NEDD4L: variants seen among roughly 807,000 people sequenced by gnomAD.
The protein encoded by NEDD4L is E3 ubiquitin-protein ligase NEDD4-like.
In NEDD4L, 54 loss-of-function variants were observed where a neutral mutation model predicts 148.9. The ratio of observed to expected loss-of-function variants is 0.36; its 90% confidence interval spans 0.29 to 0.45. NEDD4L has a LOEUF of 0.45. Ranked by LOEUF, NEDD4L falls within the 20% of genes least tolerant of loss-of-function variation. The pLI, the probability that NEDD4L is intolerant of heterozygous loss-of-function variation, is 1.00. For synonymous variants in NEDD4L, 433 were observed against 440.7 expected (o/e 0.98, Z 0.22); for missense variants, 856 against 1,233.8 (o/e 0.69, Z 4.59).
intron 9 of NEDD4L, 44 bp downstream of exon 9, chr18:58,325,206 A>G (rs1395463756): frequency 1.3e-6 from 2 of 1,598,902 alleles, no homozygotes; most frequent in African/African-American, 1.3e-5. Flanking sequence ...CGTGCACTGC[A>G]CAGCTAGGGA....
intron 1 of NEDD4L, among the ~76,000 whole-genome samples, chr18:58,127,133 C>T (rs538989760): frequency 5.4e-4 from 82 of 152,324 alleles, no homozygotes; most frequent in African/African-American, 1.8e-3. Context: ...TCCCTCCTGG[C>T]GGACCAGAGC....
intron 1 of NEDD4L, among the ~76,000 whole-genome samples, chr18:58,121,946 CTATGTTTTTAT>C (rs2029985647): frequency 6.6e-6 from 1 of 152,112 alleles, no homozygotes; most frequent in Non-Finnish European, 1.5e-5. Context: ...TGTGTTTTTT[CTATGTTTTTAT>C]AGTATTGTTT....
intron 2 of NEDD4L, among the ~76,000 whole-genome samples, chr18:58,176,651 T>C (rs1052831214): frequency 1.3e-5 from 2 of 152,222 alleles, no homozygotes; most frequent in Admixed American, 1.3e-4. Flanking sequence ...GTCACTTTTC[T>C]GTACCATTCC....
At chr18:58,210,479 G>A (rs758019447) in intron 2 of NEDD4L, among the ~76,000 whole-genome samples, 5 of 151,664 alleles carry the variant, frequency 3.3e-5, no homozygotes, top group Admixed American at 1.3e-4. Context: ...ATGGAGTTTC[G>A]CTCTTGTTGC....
At chr18:58,113,394 G>C (rs959988167) in intron 1 of NEDD4L, among the ~76,000 whole-genome samples, 1 of 152,192 alleles carries the variant, frequency 6.6e-6, no homozygotes, top group Non-Finnish European at 1.5e-5. Context: ...AGAAGGAAAG[G>C]GATTTCCAAG....
intron 7 of NEDD4L, among the ~76,000 whole-genome samples, 197 bp from the exon 8 acceptor site, chr18:58,323,035 G>T (rs1601231769): frequency 9.4e-6 from 1 of 106,472 alleles, no homozygotes; most frequent in Non-Finnish European, 1.8e-5. Context: ...TGTGCTGTGG[G>T]TATGGGTGGG....
Position 58,151,623 on chromosome 18 carries a change from A to ATG in NEDD4L, c.49-14164_49-14163insGT, listed in dbSNP as rs1491376739. 4.2e-4 allele frequency among the ~76,000 whole-genome samples: 24 copies of ATG among 56,660 alleles called. No homozygotes were observed. The East Asian group carries it at 5.5e-3, about 13-fold the overall frequency. The allele number at this position is 56,660 out of a possible 152,430, so 37.2% of individuals were successfully genotyped here. ...GTGAAGATGAGGTAGCTGTGCCTGGATATGTGTGTGTGTGTGTGTGTGTGT... is the reference window on the plus strand; with the variant it reads ...GTGAAGATGAGGTAGCTGTGCCTGGATGTATGTGTGTGTGTGTGTGTGTGTGT... On this transcript the variant is annotated intron_variant, in intron 1 of 30. Transcript: ENST00000400345.
At chr18:58,316,086 G>T (rs2058229627) in intron 6 of NEDD4L, 54 bp downstream of exon 6, 1 of 1,421,060 alleles carries the variant, frequency 7.0e-7, no homozygotes, top group African/African-American at 1.4e-5. Flanking sequence ...GTTTCTAATT[G>T]TTTGTAGTCA....
At chr18:58,313,252 T>G (rs957999342) in intron 5 of NEDD4L, among the ~76,000 whole-genome samples, 62 of 149,790 alleles carry the variant, frequency 4.1e-4, no homozygotes, top group African/African-American at 1.5e-3. Flanking sequence ...TTGTCTCATC[T>G]TTTACTGTTT....
At chr18:58,091,758 C>A (rs1414747385) in intron 1 of NEDD4L, 1 of 152,222 alleles carries the variant, frequency 6.6e-6, no homozygotes, top group Non-Finnish European at 1.5e-5. Context: ...AGTCCTCAAC[C>A]TGCTTTCTTA....
Position 58,367,709 on chromosome 18 carries a change from A to G in NEDD4L, c.2064-37A>G, listed in dbSNP as rs188159729. 3.0e-5 allele frequency: 48 copies of G among 1,611,046 alleles called. No individual in the cohort carries two copies. The East Asian group carries it at 1.0e-3, about 34-fold the overall frequency. Reference sequence around the variant, plus strand: ...AAATATGCAAAATCTTGCATTTGAAAGTGTGATTGGGCTTTTCTTCTCTTT... The same window carrying G: ...AAATATGCAAAATCTTGCATTTGAAGGTGTGATTGGGCTTTTCTTCTCTTT... On this transcript the variant is annotated intron_variant, in intron 21 of 30. Coordinates refer to ENST00000400345, the MANE Select transcript of NEDD4L (RefSeq NM_001144967.3).
intron 26 of NEDD4L, 151 bp downstream of exon 26, chr18:58,385,737 C>A (rs1568931562): frequency 5.9e-6 from 1 of 168,168 alleles, no homozygotes; most frequent in Non-Finnish European, 1.2e-5. Flanking sequence ...GCACAGCTCA[C>A]ACCGCTGGCC....
chr18:58,388,594 G>A (rs1241843571), intron 27 of NEDD4L: 1 of 153,180 alleles, frequency 6.5e-6, no homozygotes, highest in African/African-American at 2.4e-5. Flanking sequence ...CTTAGCGTAT[G>A]TCTGCCATTC....
In NEDD4L at chr18:58,339,594, C is replaced by T. The variant is rs182582958; in HGVS notation, c.1126-1444C>T. 1.9e-3 allele frequency among the ~76,000 whole-genome samples: 293 copies of T among 152,184 alleles called. 5 individuals are homozygous for T. The highest frequency in any genetic ancestry group is 6.6e-3 in the African/African-American group (275 of 41,512). ...TTTAGGGAGCTTTAGGACTTTATCT[C>T]GGGAAATATTAAGGAAATGGTTTTC... is the stretch of plus-strand genomic sequence containing the variant. On this transcript the variant is annotated intron_variant, in intron 13 of 30. Transcript: ENST00000400345.
chr18:58,389,227 C>A, intron 28 of NEDD4L, 35 bp downstream of exon 28: 2 of 1,495,484 alleles, frequency 1.3e-6, no homozygotes, highest in Non-Finnish European at 1.9e-6. Context: ...CGGTGTCCTC[C>A]ACCTGAGGCA....
At chr18:58,388,875 G>A (rs897416952) in intron 27 of NEDD4L, 129 of 580,838 alleles carry the variant, frequency 2.2e-4, no homozygotes, top group Middle Eastern at 1.4e-3. Flanking sequence ...CGCAAGGTTC[G>A]AATTGAGCTG....
At chr18:58,342,798 T>G in intron 15 of NEDD4L, 108 bp from the exon 16 acceptor site, 1 of 798,002 alleles carries the variant, frequency 1.3e-6, no homozygotes, top group East Asian at 3.2e-5. Flanking sequence ...TTGGGGATCT[T>G]CCCTCTTGTC....
At chr18:58,044,827 C>T (rs1009189176) in intron 1 of NEDD4L, 119 bp downstream of exon 1, 106 of 1,296,942 alleles carry the variant, frequency 8.2e-5, no homozygotes, top group Admixed American at 7.0e-4. Context: ...AGGGGAGCCC[C>T]AAAGCGGGAG....
chr18:58,121,312 G>T (rs1035358906), intron 1 of NEDD4L, among the ~76,000 whole-genome samples: 3 of 152,138 alleles, frequency 2.0e-5, no homozygotes, highest in Non-Finnish European at 2.9e-5. Flanking sequence ...TTTTCCTCAG[G>T]AACTACCTAC....
Sources: allele counts gnomAD v4.1 joint callset (sites outside exome capture counted in the v4.1 genomes callset), GRCh38; gene constraint gnomAD v4.1.1; transcripts MANE v1.5; gene names NCBI Gene and HGNC (gene_info 2026-07-23, HGNC 2026-07-21).